Variants in RALYL observed in about 807,000 individuals in gnomAD.
RALYL encodes the protein RALY RNA binding protein like.
In RALYL, 29 loss-of-function variants were observed where a neutral mutation model predicts 35.1. The observed-to-expected ratio is 0.83, with a 90% CI of 0.61 to 1.13. The LOEUF is 1.13. Among genes scored for constraint, RALYL ranks in the 50% most tolerant of loss-of-function variants. The pLI is 0.00. For synonymous variants in RALYL, 120 were observed against 127.6 expected (o/e 0.94, Z 0.40); for missense variants, 359 against 360.4 (o/e 1.00, Z 0.03).
At chr8:84,772,861 T>C (rs1302849936) in intron 2 of RALYL, among the ~76,000 whole-genome samples, 1 of 152,130 alleles carries the variant, frequency 6.6e-6, no homozygotes, top group Non-Finnish European at 1.5e-5. Context: ...TTATATAAAG[T>C]TTAATATAGT....
intron 3 of RALYL, among the ~76,000 whole-genome samples, chr8:84,800,578 G>A (rs1823001015): frequency 6.6e-6 from 1 of 151,898 alleles, no homozygotes; most frequent in Non-Finnish European, 1.5e-5. Context: ...TAATTCTAGT[G>A]GGTCCTGAAT....
intron 1 of RALYL, among the ~76,000 whole-genome samples, chr8:84,232,428 C>T (rs988720669): frequency 4.8e-5 from 7 of 144,466 alleles, no homozygotes; most frequent in African/African-American, 1.5e-4. Context: ...AATGAGATAT[C>T]ATTTTAGCCT....
At chr8:84,498,453 C>T (rs573766736) in intron 1 of RALYL, among the ~76,000 whole-genome samples, 2 of 152,174 alleles carry the variant, frequency 1.3e-5, no homozygotes, top group Admixed American at 6.5e-5. Flanking sequence ...AAAGCCTCAT[C>T]GAAGCTACTA....
At chr8:84,358,399 T>G (rs2131209342) in intron 1 of RALYL, among the ~76,000 whole-genome samples, 1 of 152,152 alleles carries the variant, frequency 6.6e-6, no homozygotes, top group South Asian at 2.1e-4. Flanking sequence ...TAAAATTGTG[T>G]GTCTGTGTGT....
chr8:84,910,588 A>G lies in RALYL; in HGVS notation c.859-10306A>G, dbSNP rs147362075. On this transcript the variant is annotated intron_variant, in intron 8 of 8. Transcript: ENST00000521268. ...TATAAAGTAAAAATATATATAAGAG[A>G]TAAGTATGAATTCTACATAAAAATC... Among the ~76,000 whole-genome samples the G allele has an allele frequency of 2.4e-3, 362 of 152,166 alleles. 1 individual carries two copies. The highest frequency in any genetic ancestry group is 8.5e-3 in the African/African-American group (352 of 41,546).
chr8:84,690,036 T>C (rs1056723068), intron 2 of RALYL, among the ~76,000 whole-genome samples: 2 of 152,132 alleles, frequency 1.3e-5, no homozygotes, highest in Non-Finnish European at 2.9e-5. Flanking sequence ...ACTTGTATAT[T>C]GAAAGGAAAT....
intron 2 of RALYL, among the ~76,000 whole-genome samples, chr8:84,584,149 T>C (rs1362340494): frequency 6.6e-6 from 1 of 152,188 alleles, no homozygotes; most frequent in Non-Finnish European, 1.5e-5. Flanking sequence ...AATTAAGTTA[T>C]TGAAGTCCAT....
At chr8:84,679,847 T>C (rs1588958206) in intron 2 of RALYL, 1 of 373,294 alleles carries the variant, frequency 2.7e-6, no homozygotes, top group Admixed American at 3.6e-5. Context: ...ATCTTTATTT[T>C]TTTTCTTTTT....
chr8:84,864,278 CTA>C (rs1838713604), intron 6 of RALYL, among the ~76,000 whole-genome samples: 1 of 151,650 alleles, frequency 6.6e-6, no homozygotes, highest in South Asian at 2.1e-4. Context: ...TAAATACAAA[CTA>C]GAGATATTTT....
At chr8:84,681,440 C>G (rs1281040919) in intron 2 of RALYL, among the ~76,000 whole-genome samples, 2 of 146,606 alleles carry the variant, frequency 1.4e-5, no homozygotes, top group African/African-American at 5.2e-5. Context: ...TTACCTTGGG[C>G]AGTACAGCCA....
At chr8:84,310,897 A>G (rs1339065929) in intron 1 of RALYL, among the ~76,000 whole-genome samples, 1 of 144,042 alleles carries the variant, frequency 6.9e-6, no homozygotes, top group East Asian at 2.0e-4. Flanking sequence ...AATACAAAAA[A>G]TTAGCCGGGC....
chr8:84,789,110 A>G (rs1256086267), intron 3 of RALYL, among the ~76,000 whole-genome samples: 4 of 152,230 alleles, frequency 2.6e-5, no homozygotes, highest in Non-Finnish European at 5.9e-5. Flanking sequence ...GTGGGACATG[A>G]CAGAAAAACA....
At chr8:84,795,083 T>A (rs139748372) in intron 3 of RALYL, among the ~76,000 whole-genome samples, 27 of 152,270 alleles carry the variant, frequency 1.8e-4, no homozygotes, top group African/African-American at 6.5e-4. Flanking sequence ...TTGCAGAGAT[T>A]TCAGTTGAGC....
At chr8:84,250,898 A>G (rs530083535) in intron 1 of RALYL, among the ~76,000 whole-genome samples, 1 of 152,282 alleles carries the variant, frequency 6.6e-6, no homozygotes, top group South Asian at 2.1e-4. Context: ...TAAAAGTTAT[A>G]CTTTGGAACC....
rs74342899 is a variant in RALYL at position 84,397,813 on chromosome 8, C to T, written c.-23-131486C>T. On this transcript the variant is annotated intron_variant, in intron 1 of 8. Coordinates refer to ENST00000521268, the MANE Select transcript of RALYL (RefSeq NM_173848.7). ...AAAAGCTGAACTCAGTACTGCACCTCCTGTTTTCTGGGAGTATTTAATTTT... is the reference window on the plus strand; with the variant it reads ...AAAAGCTGAACTCAGTACTGCACCTTCTGTTTTCTGGGAGTATTTAATTTT... 8.3e-4 allele frequency among the ~76,000 whole-genome samples: 126 copies of T among 152,264 alleles called. No homozygotes were observed. The East Asian group carries it at 0.022, about 27-fold the overall frequency.
At chr8:84,518,130 A>G (rs1484353544) in intron 1 of RALYL, among the ~76,000 whole-genome samples, 6 of 152,312 alleles carry the variant, frequency 3.9e-5, no homozygotes, top group African/African-American at 1.4e-4. Context: ...GAGACAACAA[A>G]TGTCTAGTGA....
At chr8:84,557,258 A>T (rs1409212885) in intron 2 of RALYL, among the ~76,000 whole-genome samples, 1 of 152,198 alleles carries the variant, frequency 6.6e-6, no homozygotes, top group East Asian at 1.9e-4. Context: ...GTTTCCTCGA[A>T]GGAGAGAGTT....
At chr8:84,582,118 A>G (rs1234758360) in intron 2 of RALYL, among the ~76,000 whole-genome samples, 1 of 152,134 alleles carries the variant, frequency 6.6e-6, no homozygotes, top group African/African-American at 2.4e-5. Context: ...CTTAGTACAG[A>G]ACATTAAGAA....
intron 4 of RALYL, among the ~76,000 whole-genome samples, chr8:84,843,698 C>T (rs1195163243): frequency 1.3e-5 from 2 of 152,190 alleles, no homozygotes; most frequent in African/African-American, 4.8e-5. Flanking sequence ...GGAGGCATCA[C>T]ACTACCTGAC....
Sources: gnomAD v4.1 joint callset for allele counts (sites outside exome capture counted in the v4.1 genomes callset) on GRCh38, gnomAD v4.1.1 for gene constraint, MANE v1.5 for transcripts, NCBI Gene and HGNC (gene_info 2026-07-23, HGNC 2026-07-21) for gene names.